The following DOCK3 variants were observed in gnomAD, a reference collection of about 807,000 sequenced individuals.
The protein encoded by DOCK3 is dedicator of cytokinesis 3.
In DOCK3, 60 loss-of-function variants were observed where a neutral mutation model predicts 265.6. The observed-to-expected ratio is 0.23, with a 90% CI of 0.18 to 0.28. The LOEUF is 0.28. Among genes scored for constraint, DOCK3 ranks in the 10% least tolerant of loss-of-function variants. The pLI is 1.00. For synonymous variants in DOCK3, 881 were observed against 938.0 expected (o/e 0.94, Z 1.11); for missense variants, 1,981 against 2,594.3 (o/e 0.76, Z 5.14).
At chr3:50,681,757 C>T (rs1442622589) in intron 1 of DOCK3, among the ~76,000 whole-genome samples, 1 of 152,206 alleles carries the variant, frequency 6.6e-6, no homozygotes, top group African/African-American at 2.4e-5. Context: ...ATCCCATCCT[C>T]CTACTTTAAT....
chr3:51,284,285 C>A (rs2081293823), intron 27 of DOCK3, among the ~76,000 whole-genome samples: 2 of 151,798 alleles, frequency 1.3e-5, no homozygotes, highest in Admixed American at 6.6e-5. Context: ...ATAAATACTT[C>A]CAGGGTCTTC....
intron 5 of DOCK3, among the ~76,000 whole-genome samples, chr3:50,936,177 G>C (rs1308460584): frequency 6.6e-6 from 1 of 151,680 alleles, no homozygotes; most frequent in Non-Finnish European, 1.5e-5. Flanking sequence ...TATTATATGG[G>C]CTCAATAGCA....
At chr3:50,894,877 T>C (rs947268441) in intron 4 of DOCK3, among the ~76,000 whole-genome samples, 2 of 152,158 alleles carry the variant, frequency 1.3e-5, no homozygotes, top group African/African-American at 2.4e-5. Context: ...ATTCTTCCCA[T>C]CTGTTAGGTC....
intron 27 of DOCK3, among the ~76,000 whole-genome samples, chr3:51,281,987 C>T (rs2081148267): frequency 6.6e-6 from 1 of 152,206 alleles, no homozygotes; most frequent in African/African-American, 2.4e-5. Flanking sequence ...GCAGTCCAGC[C>T]ACAAGAGCAC....
intron 5 of DOCK3, among the ~76,000 whole-genome samples, chr3:51,010,650 G>T (rs1041873091): frequency 3.3e-5 from 5 of 152,156 alleles, no homozygotes; most frequent in African/African-American, 4.8e-5. Flanking sequence ...GTGTGAATTT[G>T]ATCCTGTCAT....
At chr3:51,312,941 C>T (rs1429624776) in intron 31 of DOCK3, 39 bp downstream of exon 31, 3 of 1,547,492 alleles carry the variant, frequency 1.9e-6, no homozygotes, top group East Asian at 4.6e-5. Context: ...CTATATATTG[C>T]ATAGCCAAAT....
chr3:50,881,457 C>T (rs1406593002), intron 3 of DOCK3, among the ~76,000 whole-genome samples: 1 of 152,204 alleles, frequency 6.6e-6, no homozygotes, highest in Non-Finnish European at 1.5e-5. Context: ...AAATCACAAG[C>T]ATTCCTGTAC....
intron 1 of DOCK3, among the ~76,000 whole-genome samples, chr3:50,695,945 G>T (rs991741626): frequency 6.6e-6 from 1 of 152,344 alleles, no homozygotes; most frequent in Non-Finnish European, 1.5e-5. Flanking sequence ...ACAGAAAAAG[G>T]AAAGTGATGT....
chr3:51,327,614 T>G (rs1330252585), intron 32 of DOCK3, among the ~76,000 whole-genome samples: 2 of 152,092 alleles, frequency 1.3e-5, no homozygotes, highest in Non-Finnish European at 2.9e-5. Flanking sequence ...TCCTAATAAC[T>G]TCTCCTTTAT....
At chr3:51,353,478 G>A (rs2086144249) in intron 40 of DOCK3, among the ~76,000 whole-genome samples, 1 of 152,230 alleles carries the variant, frequency 6.6e-6, no homozygotes, top group Non-Finnish European at 1.5e-5. Flanking sequence ...CAGGCATGGT[G>A]CCAGATACCT....
intron 9 of DOCK3, among the ~76,000 whole-genome samples, chr3:51,133,723 A>G (rs2084667268): frequency 6.6e-6 from 1 of 152,122 alleles, no homozygotes; most frequent in East Asian, 1.9e-4. Flanking sequence ...AGAAATCTAG[A>G]GAACAGGCAT....
rs9841448 is a variant in DOCK3 at position 51,303,392 on chromosome 3, C to T, written c.2923-6840C>T. On this transcript the variant is annotated intron_variant, in intron 27 of 52. Coordinates refer to ENST00000266037, the MANE Select transcript of DOCK3 (RefSeq NM_004947.5). ...CTCAGAGAAGTTTGTTATTACGCAC[C>T]TTCTGAAGCCTACTTCTGTCAATTC... is the stretch of plus-strand genomic sequence containing the variant. 2.7e-3 allele frequency among the ~76,000 whole-genome samples: 417 copies of T among 152,288 alleles called. 1 individual carries two copies. The highest frequency in any genetic ancestry group is 9.6e-3 in the African/African-American group (399 of 41,552).
At chr3:51,269,066 G>T (rs1258530954) in intron 23 of DOCK3, among the ~76,000 whole-genome samples, 1 of 150,686 alleles carries the variant, frequency 6.6e-6, no homozygotes, top group Non-Finnish European at 1.5e-5. Context: ...CTTCTTTGGT[G>T]CAAGGCTCAT....
chr3:51,239,565 TGTTTG>T (rs1560265648), intron 21 of DOCK3, among the ~76,000 whole-genome samples: 5 of 145,758 alleles, frequency 3.4e-5, no homozygotes, highest in African/African-American at 5.0e-5. Context: ...GTTTTTTTTT[TGTTTG>T]TTTGTTTTTT....
At chr3:50,987,272 G>T (rs925337571) in intron 5 of DOCK3, among the ~76,000 whole-genome samples, 1 of 152,086 alleles carries the variant, frequency 6.6e-6, no homozygotes, top group African/African-American at 2.4e-5. Context: ...TGTTCATAAA[G>T]AATACATTCT....
At chr3:50,821,755 T>G (rs1357600573) in intron 2 of DOCK3, among the ~76,000 whole-genome samples, 2 of 152,246 alleles carry the variant, frequency 1.3e-5, no homozygotes, top group Non-Finnish European at 2.9e-5. Flanking sequence ...TAGGGAGTCC[T>G]TTCCCCATTG....
At chr3:51,185,428 A>G (rs959556615) in intron 12 of DOCK3, among the ~76,000 whole-genome samples, 1 of 152,212 alleles carries the variant, frequency 6.6e-6, no homozygotes, top group African/African-American at 2.4e-5. Flanking sequence ...CTTAAATATA[A>G]TGGTCAAGTA....
At chr3:51,105,847 C>T (rs548446373) in intron 9 of DOCK3, among the ~76,000 whole-genome samples, 28 of 152,276 alleles carry the variant, frequency 1.8e-4, no homozygotes, top group African/African-American at 6.7e-4. Flanking sequence ...ATGGGGCTAC[C>T]ATGCACCAGG....
At chr3:51,363,108 A>T (rs534276825) in intron 49 of DOCK3, among the ~76,000 whole-genome samples, 3 of 152,332 alleles carry the variant, frequency 2.0e-5, no homozygotes, top group Admixed American at 1.3e-4. Context: ...CAACCAAAAA[A>T]TTTTTCTTCA....
Sources: gnomAD v4.1 joint callset for allele counts (sites outside exome capture counted in the v4.1 genomes callset) on GRCh38, gnomAD v4.1.1 for gene constraint, MANE v1.5 for transcripts, NCBI Gene and HGNC (gene_info 2026-07-23, HGNC 2026-07-21) for gene names.